The following APBB1IP variants were observed in gnomAD, a reference collection of about 807,000 sequenced individuals.
APBB1IP encodes amyloid beta A4 precursor protein-binding family B member 1-interacting protein.
APBB1IP carries 27 observed loss-of-function variants against 64.9 expected under a neutral mutation model. The ratio of observed to expected loss-of-function variants is 0.42; its 90% confidence interval spans 0.31 to 0.57. The LOEUF (loss-of-function observed/expected upper bound fraction) is 0.57, where lower values mean the gene tolerates loss of function less well. Ranked by LOEUF, APBB1IP falls within the 20% of genes least tolerant of loss-of-function variation. The pLI, the probability that APBB1IP is intolerant of heterozygous loss-of-function variation, is 0.20. For missense variants in APBB1IP, 812 were observed against 845.5 expected, an observed-to-expected ratio of 0.96 and a Z score of 0.49; for synonymous variants, 392 against 331.0, an observed-to-expected ratio of 1.18 and a Z score of -2.00.
intron 6 of APBB1IP, among the ~76,000 whole-genome samples, chr10:26,505,192 T>C (rs985573478): frequency 4.6e-5 from 7 of 152,218 alleles, no homozygotes; most frequent in Non-Finnish European, 1.0e-4. Flanking sequence ...CACAGTTCTC[T>C]GAATGAAGGT....
chr10:26,479,967 G>A (rs1835816523), intron 2 of APBB1IP, among the ~76,000 whole-genome samples: 1 of 152,136 alleles, frequency 6.6e-6, no homozygotes, highest in Non-Finnish European at 1.5e-5. Context: ...TACTAACATG[G>A]CACCCTGTGG....
intron 2 of APBB1IP, among the ~76,000 whole-genome samples, chr10:26,461,345 G>A (rs773731596): frequency 1.4e-4 from 21 of 152,120 alleles, no homozygotes; most frequent in African/African-American, 3.6e-4. Context: ...ATATATAGCC[G>A]ATTATTTCAA....
At chr10:26,493,353 T>C (rs1032026580) in intron 3 of APBB1IP, among the ~76,000 whole-genome samples, 43 of 152,222 alleles carry the variant, frequency 2.8e-4, no homozygotes, top group African/African-American at 1.0e-3. Context: ...ATTAAAAGAT[T>C]AAAGACAGGC....
Position 26,460,034 on chromosome 10 carries a change from G to A in APBB1IP, c.-1+21181G>A, listed in dbSNP as rs115322463. 9.6e-3 allele frequency among the ~76,000 whole-genome samples: 1,457 copies of A among 152,010 alleles called. 24 individuals carry two copies. The highest frequency in any genetic ancestry group is 0.034 in the Middle Eastern group (10 of 294). On this transcript the variant is annotated intron_variant, in intron 2 of 14. Transcript: ENST00000376236. ...TAAACAAAATAATGTATTTTTGCTT[G>A]GAAAATTTAATGATGACTCAGTTCT...
chr10:26,516,598 G>A (rs1438014840), intron 8 of APBB1IP, among the ~76,000 whole-genome samples: 2 of 149,240 alleles, frequency 1.3e-5, no homozygotes, highest in Middle Eastern at 3.2e-3. Context: ...AAGAGGGAGG[G>A]GTGTGGTAAC....
rs141553224 is a variant in APBB1IP, at chr10:26,551,822, C to T, written c.1156-8283C>T. ...GCAAGGACTTTTTCTATTGTGTTCACTATTGTGTTCCAGAGCTTGGAGTGA... is the reference window on the plus strand; with the variant it reads ...GCAAGGACTTTTTCTATTGTGTTCATTATTGTGTTCCAGAGCTTGGAGTGA... On this transcript the variant is annotated intron_variant, in intron 11 of 14. Coordinates refer to ENST00000376236, the MANE Select transcript of APBB1IP (RefSeq NM_019043.4). Among the ~76,000 whole-genome samples the T allele has an allele frequency of 1.4e-4, 21 of 152,228 alleles. No individual in the cohort carries two copies. The East Asian group carries it at 3.7e-3, about 27-fold the overall frequency.
chr10:26,560,551 A>T (rs186465774), intron 12 of APBB1IP, among the ~76,000 whole-genome samples, 179 bp from the exon 13 acceptor site: 85 of 152,326 alleles, frequency 5.6e-4, no homozygotes, highest in African/African-American at 1.9e-3. Context: ...GTTAATCTGG[A>T]AAATGATTGA....
At chr10:26,514,026 G>A (rs1202185123) in intron 8 of APBB1IP, among the ~76,000 whole-genome samples, 2 of 152,040 alleles carry the variant, frequency 1.3e-5, no homozygotes, top group Non-Finnish European at 1.5e-5. Flanking sequence ...GAGCCACTGC[G>A]CCCAGCCAAG....
intron 2 of APBB1IP, among the ~76,000 whole-genome samples, chr10:26,479,003 A>G (rs1835806981): frequency 6.6e-6 from 1 of 152,212 alleles, no homozygotes; most frequent in Non-Finnish European, 1.5e-5. Context: ...ACAATGAATG[A>G]CCAATTTTTA....
intron 2 of APBB1IP, among the ~76,000 whole-genome samples, chr10:26,461,456 GTTTA>G (rs1835591291): frequency 6.6e-6 from 1 of 151,410 alleles, no homozygotes; most frequent in African/African-American, 2.4e-5. Context: ...TTTTCCGTTG[GTTTA>G]TTTATGTAAA....
At chr10:26,469,805 C>A (rs1448410591) in intron 2 of APBB1IP, among the ~76,000 whole-genome samples, 1 of 152,176 alleles carries the variant, frequency 6.6e-6, no homozygotes, top group Non-Finnish European at 1.5e-5. Context: ...CTATTGTTCC[C>A]ATCTCTATAT....
chr10:26,561,398 T>TTA, intron 13 of APBB1IP, among the ~76,000 whole-genome samples: 1 of 150,344 alleles, frequency 6.7e-6, no homozygotes, highest in East Asian at 1.9e-4. Context: ...CTTTTTTTTT[T>TTA]TTTTTTTGGA....
intron 2 of APBB1IP, among the ~76,000 whole-genome samples, chr10:26,480,112 C>T (rs1235648775): frequency 1.3e-5 from 2 of 152,128 alleles, no homozygotes; most frequent in South Asian, 4.1e-4. Context: ...AAGGTGACCC[C>T]GGGCAAGGAG....
chr10:26,506,368 T>C (rs1000561088), intron 6 of APBB1IP, among the ~76,000 whole-genome samples: 2 of 151,244 alleles, frequency 1.3e-5, no homozygotes, highest in African/African-American at 4.9e-5. Flanking sequence ...CCACCCAGCC[T>C]CCCAAGTAGC....
chr10:26,462,063 A>G lies in APBB1IP; in HGVS notation c.-1+23210A>G, dbSNP rs570851543. Among the ~76,000 whole-genome samples, 7 of 152,310 alleles carry G rather than the reference A, an allele frequency of 4.6e-5. No individual in the cohort carries two copies. In the South Asian group the frequency reaches 1.2e-3, roughly 27 times the overall value. On this transcript the variant is annotated intron_variant, in intron 2 of 14. Coordinates refer to ENST00000376236, the MANE Select transcript of APBB1IP (RefSeq NM_019043.4). ...GCCAAATCCACGTGGCTGCTTCTGTAGATAATGTTTTATTGGCACTAGCCA... is the reference window on the plus strand; with the variant it reads ...GCCAAATCCACGTGGCTGCTTCTGTGGATAATGTTTTATTGGCACTAGCCA...
At chr10:26,473,726 G>C (rs1588575457) in intron 2 of APBB1IP, among the ~76,000 whole-genome samples, 1 of 152,264 alleles carries the variant, frequency 6.6e-6, no homozygotes, top group East Asian at 1.9e-4. Flanking sequence ...TCTTGGCCAG[G>C]CACAGTGGCC....
chr10:26,473,060 T>C (rs1835738721), intron 2 of APBB1IP, among the ~76,000 whole-genome samples: 1 of 152,184 alleles, frequency 6.6e-6, no homozygotes. Flanking sequence ...ATACAAAGAT[T>C]CTAAGGCATA....
chr10:26,527,481 A>G (rs913521232), intron 8 of APBB1IP, among the ~76,000 whole-genome samples: 7 of 151,286 alleles, frequency 4.6e-5, no homozygotes, highest in Non-Finnish European at 8.9e-5. Flanking sequence ...CAGGAGTTCA[A>G]GGCTGCAGTG....
At chr10:26,480,617 CTTCTTTTTTTT>C in intron 2 of APBB1IP, among the ~76,000 whole-genome samples, 1 of 133,098 alleles carries the variant, frequency 7.5e-6, no homozygotes, top group Non-Finnish European at 1.6e-5. Context: ...GGTTGAGCTG[CTTCTTTTTTTT>C]TTTTTTTTTT....
Sources: gnomAD v4.1 joint callset for allele counts (sites outside exome capture counted in the v4.1 genomes callset) on GRCh38, gnomAD v4.1.1 for gene constraint, MANE v1.5 for transcripts, NCBI Gene and HGNC (gene_info 2026-07-23, HGNC 2026-07-21) for gene names.